The following EFHC1 variants were observed in gnomAD, a reference collection of about 807,000 sequenced individuals.
The protein encoded by EFHC1 is EF-hand domain containing 1.
In EFHC1, 53 loss-of-function variants were observed where a neutral mutation model predicts 69.9. That is an observed-to-expected ratio of 0.76 (90% confidence interval 0.61 to 0.95). The LOEUF (loss-of-function observed/expected upper bound fraction) is 0.95. Ranked by LOEUF, EFHC1 falls within the 40% of genes least tolerant of loss-of-function variation. The pLI, the probability that EFHC1 is intolerant of heterozygous loss-of-function variation, is 0.00. For missense variants in EFHC1, 739 were observed against 798.7 expected (o/e 0.93, Z 0.90); for synonymous variants, 256 against 278.4 (o/e 0.92, Z 0.80).
intron 2 of EFHC1, among the ~76,000 whole-genome samples, 157 bp downstream of exon 2, chr6:52,424,324 C>G (rs890576968): frequency 6.6e-6 from 1 of 152,142 alleles, no homozygotes; most frequent in Non-Finnish European, 1.5e-5. Context: ...TGAACTCAGG[C>G]TAAAAAGAGG....
chr6:52,481,836 T>G (rs896457151), intron 9 of EFHC1: 1 of 152,088 alleles, frequency 6.6e-6, no homozygotes. Context: ...AAGGAGTTAA[T>G]GTAGCTAAAG....
At chr6:52,437,192 G>A (rs188598115) in intron 2 of EFHC1, among the ~76,000 whole-genome samples, 5 of 152,244 alleles carry the variant, frequency 3.3e-5, no homozygotes, top group Admixed American at 1.3e-4. Flanking sequence ...AATAATGAAC[G>A]TAATTAATAT....
At chr6:52,439,104 C>T (rs1217024806) in intron 3 of EFHC1, among the ~76,000 whole-genome samples, 1 of 152,072 alleles carries the variant, frequency 6.6e-6, no homozygotes, top group Non-Finnish European at 1.5e-5. Context: ...AAAACCTCTT[C>T]TATATGTAAA....
At chr6:52,452,039 C>T (rs1332130370) in intron 3 of EFHC1, among the ~76,000 whole-genome samples, 8 of 152,150 alleles carry the variant, frequency 5.3e-5, no homozygotes, top group Admixed American at 5.2e-4. Flanking sequence ...AGTAAGCAAT[C>T]CTAAGACTTA....
intron 2 of EFHC1, among the ~76,000 whole-genome samples, chr6:52,425,498 A>G (rs1764283211): frequency 6.6e-6 from 1 of 152,204 alleles, no homozygotes. Flanking sequence ...ATTGCGCTTG[A>G]GTAGGAAATA....
At chr6:52,486,519 A>C (rs1237699240) in intron 9 of EFHC1, 1 of 152,122 alleles carries the variant, frequency 6.6e-6, no homozygotes, top group African/African-American at 2.4e-5. Context: ...TTATCTTTTT[A>C]ATCCTTTTCT....
At chr6:52,467,260 C>A (rs1765328398) in intron 6 of EFHC1, among the ~76,000 whole-genome samples, 1 of 150,810 alleles carries the variant, frequency 6.6e-6, no homozygotes, top group Admixed American at 6.6e-5. Context: ...TGGCTCACTG[C>A]AACGTCCACC....
At chr6:52,450,782 T>TTTTG (rs941643215) in intron 3 of EFHC1, among the ~76,000 whole-genome samples, 4 of 152,102 alleles carry the variant, frequency 2.6e-5, no homozygotes, top group Non-Finnish European at 5.9e-5. Flanking sequence ...ATTGTGGTTT[T>TTTTG]TTTGTTTGTT....
intron 6 of EFHC1, chr6:52,468,788 C>T (rs1218711576): frequency 6.3e-6 from 1 of 159,940 alleles, no homozygotes; most frequent in Non-Finnish European, 1.4e-5. Context: ...GCTAAATCCA[C>T]TAGTCATATT....
intron 3 of EFHC1, among the ~76,000 whole-genome samples, chr6:52,443,785 C>G (rs1348369880): frequency 6.6e-6 from 1 of 152,050 alleles, no homozygotes; most frequent in Non-Finnish European, 1.5e-5. Context: ...TTTTTTGGTT[C>G]CATATGAACT....
chr6:52,445,345 T>C (rs967362355), intron 3 of EFHC1, among the ~76,000 whole-genome samples: 3 of 151,920 alleles, frequency 2.0e-5, no homozygotes, highest in African/African-American at 4.8e-5. Flanking sequence ...CATGTGCACA[T>C]TGTGCAGGTT....
chr6:52,429,759 A>C (rs537601448), intron 2 of EFHC1, among the ~76,000 whole-genome samples: 10 of 152,096 alleles, frequency 6.6e-5, no homozygotes, highest in Non-Finnish European at 1.5e-4. Flanking sequence ...TGGGAATTGC[A>C]TTGAATTTTT....
chr6:52,451,670 A>G (rs1026672945), intron 3 of EFHC1, among the ~76,000 whole-genome samples: 1 of 151,892 alleles, frequency 6.6e-6, no homozygotes, highest in African/African-American at 2.4e-5. Context: ...CCTTAATTTG[A>G]TTGTTGGCCT....
intron 3 of EFHC1, among the ~76,000 whole-genome samples, chr6:52,443,956 T>G (rs2113984634): frequency 6.6e-6 from 1 of 152,344 alleles, no homozygotes; most frequent in Non-Finnish European, 1.5e-5. Flanking sequence ...TGTCCTCTTT[T>G]ATTTCATTGA....
intron 3 of EFHC1, among the ~76,000 whole-genome samples, chr6:52,444,532 A>G (rs918884183): frequency 1.3e-5 from 2 of 152,204 alleles, no homozygotes; most frequent in African/African-American, 2.4e-5. Flanking sequence ...CCTTTTCTGC[A>G]TCTATTGAGA....
intron 10 of EFHC1, 42 bp from the exon 11 acceptor site, chr6:52,492,228 C>G (rs1394278408): frequency 6.4e-7 from 1 of 1,563,806 alleles, no homozygotes; most frequent in South Asian, 1.1e-5. Context: ...TGACGGAAGC[C>G]CTGCAGATCT....
At chr6:52,465,657 A>C (rs1390058638) in intron 6 of EFHC1, among the ~76,000 whole-genome samples, 5 of 151,672 alleles carry the variant, frequency 3.3e-5, no homozygotes, top group African/African-American at 1.2e-4. Context: ...AAATACAAAA[A>C]TTAGCCGAGT....
chr6:52,482,555 A>T, intron 9 of EFHC1: 1 of 364,204 alleles, frequency 2.7e-6, no homozygotes, highest in Non-Finnish European at 4.9e-6. Flanking sequence ...CTTATGATGC[A>T]GACTGAACGT....
At chr6:52,472,226 T>C (rs879262091) in intron 7 of EFHC1, among the ~76,000 whole-genome samples, 1 of 152,096 alleles carries the variant, frequency 6.6e-6, no homozygotes, top group Non-Finnish European at 1.5e-5. Flanking sequence ...AAAGGTTATG[T>C]ATGAAAAGTC....
Sources: gnomAD v4.1 joint callset for allele counts (sites outside exome capture counted in the v4.1 genomes callset) on GRCh38, gnomAD v4.1.1 for gene constraint, MANE v1.5 for transcripts, NCBI Gene and HGNC (gene_info 2026-07-23, HGNC 2026-07-21) for gene names.